The following PKP4 variants were observed in gnomAD, a reference collection of about 807,000 sequenced individuals.
The protein encoded by PKP4 is plakophilin-4.
PKP4 carries 90 observed loss-of-function variants against 145.1 expected under a neutral mutation model. That is an observed-to-expected ratio of 0.62 (90% CI 0.52 to 0.74). PKP4 has a LOEUF of 0.74. PKP4 is among the 30% of genes least tolerant of loss of function. The probability of loss-of-function intolerance (pLI) is 0.00; values close to 1 mark genes in which losing one functional copy is unlikely to be tolerated. For synonymous variants in PKP4, 563 were observed against 577.2 expected (o/e 0.98, Z 0.35); for missense variants, 1,340 against 1,482.7 (o/e 0.90, Z 1.58).
intron 16 of PKP4, among the ~76,000 whole-genome samples, chr2:158,667,316 C>T (rs1310111651): frequency 6.6e-6 from 1 of 152,124 alleles, no homozygotes; most frequent in East Asian, 1.9e-4. Flanking sequence ...CTGGGGTATC[C>T]TATATAACCC....
intron 1 of PKP4, among the ~76,000 whole-genome samples, chr2:158,511,035 G>T (rs1468970395): frequency 1.3e-5 from 2 of 152,212 alleles, no homozygotes; most frequent in Non-Finnish European, 2.9e-5. Flanking sequence ...CCTGAGTATG[G>T]TGAAGGAGGA....
At chr2:158,634,028 A>T in intron 8 of PKP4, 42 bp from the exon 9 acceptor site, 1 of 1,100,808 alleles carries the variant, frequency 9.1e-7, no homozygotes, top group Non-Finnish European at 1.4e-6. Context: ...GTGTGATCTC[A>T]TGGAGAACAT....
chr2:158,637,634 G>T (rs546053843), intron 9 of PKP4, among the ~76,000 whole-genome samples: 1 of 152,298 alleles, frequency 6.6e-6, no homozygotes, highest in South Asian at 2.1e-4. Flanking sequence ...AAGTAAACAT[G>T]GGACTCGTGG....
chr2:158,538,073 A>G (rs1310304182), intron 2 of PKP4, among the ~76,000 whole-genome samples: 1 of 152,078 alleles, frequency 6.6e-6, no homozygotes, highest in Non-Finnish European at 1.5e-5. Context: ...TCCTGTGGAA[A>G]CCTTAGATTA....
chr2:158,663,345 T>C lies in PKP4; in HGVS notation c.2477T>C (p.Val826Ala). 6.2e-7 allele frequency: 1 copy of C among 1,614,086 alleles called. No homozygotes were observed. Among genetic ancestry groups the C allele is most frequent in the South Asian group, 1.1e-5 (1 of 91,078 alleles). ...GTTGAGATGCTGTGGCACCCATCGG[T>C]GGTAAAACCATATCTGACTCTTCTA... ...KGVEMLWHPS[V>A]VKPYLTLLAE... The change falls in exon 15 of 22, where the codon GTG (valine) becomes GCG (alanine). Residue 826 changes from valine to alanine, a missense_variant. By Grantham distance (64) the Val-to-Ala change is moderately conservative. Transcript: ENST00000389759.
chr2:158,485,698 G>A (rs1015286291), intron 1 of PKP4, among the ~76,000 whole-genome samples: 1 of 152,106 alleles, frequency 6.6e-6, no homozygotes, highest in South Asian at 2.1e-4. Flanking sequence ...ATTGTCATTT[G>A]TAAAATGGGA....
intron 1 of PKP4, among the ~76,000 whole-genome samples, chr2:158,505,014 G>A (rs1260562242): frequency 6.6e-6 from 1 of 152,160 alleles, no homozygotes; most frequent in African/African-American, 2.4e-5. Context: ...ATGGACAGAA[G>A]AGCTTAATAG....
intron 1 of PKP4, among the ~76,000 whole-genome samples, chr2:158,470,209 T>G (rs200092947): frequency 1.0e-5 from 1 of 99,336 alleles, no homozygotes; most frequent in Non-Finnish European, 2.9e-5. Flanking sequence ...GAATGAATAC[T>G]TAAATACTTT....
intron 9 of PKP4, among the ~76,000 whole-genome samples, chr2:158,639,715 A>T (rs796847213): frequency 3.3e-4 from 51 of 152,296 alleles, no homozygotes; most frequent in African/African-American, 1.1e-3. Flanking sequence ...GTTAGCTGAA[A>T]AAAAGGAAAG....
intron 1 of PKP4, among the ~76,000 whole-genome samples, chr2:158,466,243 T>G (rs1004451664): frequency 6.6e-6 from 1 of 152,176 alleles, no homozygotes; most frequent in African/African-American, 2.4e-5. Context: ...TCGTGTCTGT[T>G]TGTGCCTAGT....
chr2:158,557,144 T>G (rs1255878752), intron 2 of PKP4, among the ~76,000 whole-genome samples: 1 of 152,168 alleles, frequency 6.6e-6, no homozygotes, highest in Non-Finnish European at 1.5e-5. Flanking sequence ...AAATAAAAGA[T>G]GCCTCTCCCA....
Position 158,494,115 on chromosome 2 carries a change from G to A in PKP4, c.-6+36897G>A, listed in dbSNP as rs186506347. ...TAAAAGGTAAACACTGATGAGAAGG[G>A]AAAAGCTATTTGTACTTAGCATACT... On this transcript the variant is annotated intron_variant, in intron 1 of 21. Coordinates refer to ENST00000389759, the MANE Select transcript of PKP4 (RefSeq NM_003628.6). Among the ~76,000 whole-genome samples, 147 of 152,248 alleles carry A rather than the reference G, an allele frequency of 9.7e-4. No individual in the cohort carries two copies. The Middle Eastern group carries it at 0.01, about 11-fold the overall frequency.
At chr2:158,669,586 T>G in intron 16 of PKP4, 134 bp from the exon 17 acceptor site, 1 of 576,880 alleles carries the variant, frequency 1.7e-6, no homozygotes, top group Non-Finnish European at 2.8e-6. Flanking sequence ...TTGCCATGGG[T>G]TTTGATTTTT....
intron 6 of PKP4, 54 bp from the exon 7 acceptor site, chr2:158,624,824 A>G (rs765218650): frequency 3.6e-6 from 5 of 1,404,944 alleles, no homozygotes; most frequent in Non-Finnish European, 4.8e-6. Context: ...TGTAATGGCA[A>G]TGAACACAAA....
chr2:158,487,446 G>A (rs78434609), intron 1 of PKP4, among the ~76,000 whole-genome samples: 29,909 of 152,064 alleles, frequency 0.2, 3,783 homozygotes, highest in Middle Eastern at 0.34. Flanking sequence ...GAGTAATTCA[G>A]TCAGAATCCA....
Position 158,624,861 on chromosome 2 carries a change from T to C in PKP4, c.604-17T>C, listed in dbSNP as rs758437807. On this transcript the variant is annotated splice_polypyrimidine_tract_variant and intron_variant, in intron 6 of 21. Coordinates refer to ENST00000389759, the MANE Select transcript of PKP4 (RefSeq NM_003628.6). ...CCCTGGATAAACCCATTCTCTTTTT[T>C]CCCCCCCTTTCATCAGCCATCAGTA... The C allele has an allele frequency of 1.5e-5, 23 of 1,546,814 alleles. No homozygotes were observed. Among genetic ancestry groups the C allele is most frequent in the Middle Eastern group, 1.7e-4 (1 of 5,732 alleles).
intron 1 of PKP4, among the ~76,000 whole-genome samples, chr2:158,497,985 G>T (rs1695990317): frequency 6.6e-6 from 1 of 152,156 alleles, no homozygotes; most frequent in African/African-American, 2.4e-5. Flanking sequence ...GCTTAGATAT[G>T]GAGTGTGGTA....
At chr2:158,554,541 T>C (rs2045921531) in intron 2 of PKP4, among the ~76,000 whole-genome samples, 1 of 151,890 alleles carries the variant, frequency 6.6e-6, no homozygotes. Flanking sequence ...TTCTCCTGTC[T>C]CAGCCTCCCG....
At chr2:158,649,150 A>G (rs1411414583) in intron 11 of PKP4, among the ~76,000 whole-genome samples, 1 of 152,226 alleles carries the variant, frequency 6.6e-6, no homozygotes, top group Non-Finnish European at 1.5e-5. Context: ...CTCAATTGGT[A>G]GAGAACTTTG....
Sources: gnomAD v4.1 joint callset for allele counts (sites outside exome capture counted in the v4.1 genomes callset) on GRCh38, gnomAD v4.1.1 for gene constraint, MANE v1.5 for transcripts, NCBI Gene and HGNC (gene_info 2026-07-23, HGNC 2026-07-21) for gene names.